The following FBLN2 variants were observed in gnomAD, a reference collection of about 807,000 sequenced individuals.
FBLN2 encodes the protein fibulin-2.
Under a neutral mutation model 123.7 loss-of-function variants are expected in FBLN2, and 81 were observed. The observed-to-expected ratio is 0.65, with a 90% confidence interval of 0.55 to 0.79. FBLN2 has a LOEUF of 0.79. FBLN2 is among the 30% of genes least tolerant of loss of function. The pLI, the probability that FBLN2 is intolerant of heterozygous loss-of-function variation, is 0.00. For missense variants in FBLN2, 1,603 were observed against 1,681.3 expected (o/e 0.95, Z 0.81); for synonymous variants, 699 against 701.4 (o/e 1.00, Z 0.05).
rs1706478951 is a variant in FBLN2 at position 13,636,541 on chromosome 3, C to T, written c.3311C>T (p.Pro1104Leu). The T allele has an allele frequency of 6.2e-7, 1 of 1,613,462 alleles. No individual in the cohort carries two copies. The highest frequency in any genetic ancestry group is 1.3e-5 in the African/African-American group (1 of 74,936). Residue 1104 changes from proline to leucine, a missense_variant, in exon 17 of 18, where the codon CCT becomes CTT. Pro to Leu is a moderately conservative substitution (Grantham distance 98). Coordinates refer to ENST00000404922, the MANE Select transcript of FBLN2 (RefSeq NM_001004019.2). ...TTCCGCTGCCTGCGCTTCGAGTGTC[C>T]TCCCAACTATGTCCAAGTCTCCAAA... Reference protein sequence around the residue: ...GSFRCLRFECPPNYVQVSKTK... With the variant: ...GSFRCLRFECLPNYVQVSKTK...
chr3:13,573,896 A>G (rs1704047197), intron 2 of FBLN2, among the ~76,000 whole-genome samples: 1 of 85,756 alleles, frequency 1.2e-5, no homozygotes, highest in African/African-American at 3.5e-5. Context: ...GTGAAACTCA[A>G]AAAAAAAAAA....
intron 16 of FBLN2, 98 bp downstream of exon 16, chr3:13,631,555 C>G: frequency 7.3e-7 from 1 of 1,363,556 alleles, no homozygotes; most frequent in Non-Finnish European, 9.8e-7. Context: ...GCACTTGGAG[C>G]CCCCACACCC....
At chr3:13,553,090 A>G (rs993568538) in intron 1 of FBLN2, among the ~76,000 whole-genome samples, 1 of 152,108 alleles carries the variant, frequency 6.6e-6, no homozygotes, top group African/African-American at 2.4e-5. Flanking sequence ...TACAGGGGTG[A>G]GGGGCACCTG....
At chr3:13,576,785 C>G (rs1017835375) in intron 2 of FBLN2, among the ~76,000 whole-genome samples, 5 of 151,640 alleles carry the variant, frequency 3.3e-5, no homozygotes, top group Admixed American at 6.6e-5. Flanking sequence ...GTGTGCAGGC[C>G]CTGCTAGAGG....
intron 6 of FBLN2, 78 bp downstream of exon 6, chr3:13,618,363 C>A (rs1024136236): frequency 2.8e-5 from 38 of 1,360,406 alleles, no homozygotes; most frequent in Non-Finnish European, 3.7e-5. Context: ...CTGGGGTGCA[C>A]ACTGTGGGGT....
intron 2 of FBLN2, among the ~76,000 whole-genome samples, chr3:13,575,010 G>A (rs986097909): frequency 1.3e-5 from 2 of 152,214 alleles, no homozygotes; most frequent in Admixed American, 6.5e-5. Context: ...GCTCACTGTC[G>A]CAGCCTTGGC....
intron 2 of FBLN2, among the ~76,000 whole-genome samples, chr3:13,601,331 C>T (rs779239380): frequency 5.3e-5 from 8 of 152,184 alleles, no homozygotes; most frequent in African/African-American, 1.2e-4. Context: ...GAGGATAAGC[C>T]GCCTGGGCAG....
intron 4 of FBLN2, 41 bp downstream of exon 4, chr3:13,609,683 GCGGGGC>G: frequency 6.9e-7 from 1 of 1,454,340 alleles, no homozygotes; most frequent in Non-Finnish European, 9.3e-7. Context: ...GTGGGGTGGG[GCGGGGC>G]GGGAGGCTGG....
chr3:13,619,116 C>A, intron 7 of FBLN2, 99 bp downstream of exon 7: 1 of 812,396 alleles, frequency 1.2e-6, no homozygotes, highest in Non-Finnish European at 2.0e-6. Context: ...TGGGTATGTG[C>A]AAGATGGCCC....
chr3:13,620,772 T>G (rs1008941573), intron 8 of FBLN2, among the ~76,000 whole-genome samples: 7 of 152,200 alleles, frequency 4.6e-5, no homozygotes, highest in Non-Finnish European at 8.8e-5. Flanking sequence ...GAGTCAAGTC[T>G]GCCTGGGTGA....
chr3:13,610,194 C>A (rs1705344901), intron 4 of FBLN2, among the ~76,000 whole-genome samples: 1 of 152,154 alleles, frequency 6.6e-6, no homozygotes, highest in African/African-American at 2.4e-5. Flanking sequence ...GGGGTCAGAG[C>A]CTGCTTGGCA....
At chr3:13,573,609 C>T (rs530558640) in intron 2 of FBLN2, among the ~76,000 whole-genome samples, 1 of 152,284 alleles carries the variant, frequency 6.6e-6, no homozygotes, top group Non-Finnish European at 1.5e-5. Flanking sequence ...TCAGAAGCCA[C>T]TGTCAGAGGG....
intron 14 of FBLN2, among the ~76,000 whole-genome samples, chr3:13,630,175 G>T (rs1420324506): frequency 6.6e-6 from 1 of 152,174 alleles, no homozygotes; most frequent in Non-Finnish European, 1.5e-5. Flanking sequence ...AGGTCCTGGG[G>T]CTCCAGCTCC....
At chr3:13,552,829 C>T (rs756783848) in intron 1 of FBLN2, among the ~76,000 whole-genome samples, 2 of 152,142 alleles carry the variant, frequency 1.3e-5, no homozygotes, top group Non-Finnish European at 2.9e-5. Context: ...TTCTCTTCAT[C>T]ACCCCACAGT....
At position 13,565,610 on chromosome 3, in the gene FBLN2, T is replaced by G. The variant is rs1439679911; in HGVS notation, c.-41-4705T>G. On this transcript the variant is annotated intron_variant, in intron 1 of 17. Transcript: ENST00000404922. ...ATCCTGTCTCCTGCCTATTTTTTAATGCCGTGATATATGTTACGCACATGA... is the reference window on the plus strand; with the variant it reads ...ATCCTGTCTCCTGCCTATTTTTTAAGGCCGTGATATATGTTACGCACATGA... Among the ~76,000 whole-genome samples, 7 of 152,244 alleles carry G rather than the reference T, an allele frequency of 4.6e-5. No homozygotes were observed. In the East Asian group the frequency reaches 1.3e-3, roughly 29 times the overall value.
chr3:13,629,732 C>T lies in FBLN2; in HGVS notation c.2843-88C>T, dbSNP rs529118331. 4 of 1,482,248 alleles carry T rather than the reference C, an allele frequency of 2.7e-6. No homozygotes were observed. In the East Asian group the frequency reaches 9.9e-5, roughly 37 times the overall value. 91.8% of individuals were successfully genotyped at this position (1,482,248 alleles called of 1,614,324 possible). A position where few individuals can be genotyped will look rare whatever the true frequency, so the allele number is the denominator to read the frequency against. ...CTTCTGGGTCCCTCTCCCACTTAGC[C>T]TCCCCTTCGGCCCTGGATGGCCCTT... On this transcript the variant is annotated intron_variant, in intron 13 of 17. Transcript: ENST00000404922.
intron 10 of FBLN2, among the ~76,000 whole-genome samples, chr3:13,627,142 T>A (rs74478654): frequency 6.6e-6 from 1 of 151,738 alleles, no homozygotes; most frequent in African/African-American, 2.4e-5. Context: ...GGGGCCCCTG[T>A]AAGTGGTGGG....
At position 13,549,181 on chromosome 3, in the gene FBLN2, G is replaced by T; in HGVS notation, c.-69G>T. On this transcript the variant is annotated 5_prime_UTR_variant, in exon 1 of 18. Coordinates refer to ENST00000404922, the MANE Select transcript of FBLN2 (RefSeq NM_001004019.2). The stretch of plus-strand genomic sequence containing the variant: ...CGCGCCGACGGCCGGGCGGACGGAC[G>T]GACGGACGCCGAGCGCAGTGCCCCG... The T allele has an allele frequency of 3.1e-6, 3 of 983,334 alleles. No individual in the cohort carries two copies. The highest frequency in any genetic ancestry group is 3.6e-6 in the Non-Finnish European group (3 of 829,168). The allele number at this position is 983,334 out of a possible 1,614,324, so 60.9% of individuals were successfully genotyped here.
intron 14 of FBLN2, 144 bp downstream of exon 14, chr3:13,630,089 C>T: frequency 8.1e-7 from 1 of 1,235,562 alleles, no homozygotes; most frequent in East Asian, 2.5e-5. Context: ...TTCCTTCCTC[C>T]TCTGTCTGGC....
Sources: allele counts gnomAD v4.1 joint callset (sites outside exome capture counted in the v4.1 genomes callset), GRCh38; gene constraint gnomAD v4.1.1; transcripts MANE v1.5; gene names NCBI Gene and HGNC (gene_info 2026-07-23, HGNC 2026-07-21).